Variants in DPF3 observed in about 807,000 individuals in gnomAD.
DPF3 encodes zinc finger protein DPF3.
DPF3 carries 18 observed loss-of-function variants against 56.8 expected under a neutral mutation model. That is an observed-to-expected ratio of 0.32 (90% CI 0.22 to 0.47). The LOEUF is 0.47. Ranked by LOEUF, DPF3 falls within the 20% of genes least tolerant of loss-of-function variation. The probability of loss-of-function intolerance (pLI) is 1.00; values close to 1 mark genes in which losing one functional copy is unlikely to be tolerated. For synonymous variants in DPF3, 188 were observed against 180.2 expected, an observed-to-expected ratio of 1.04 and a Z score of -0.35; for missense variants, 403 against 488.8, an observed-to-expected ratio of 0.82 and a Z score of 1.65.
chr14:72,729,744 C>T (rs544909209), intron 4 of DPF3, among the ~76,000 whole-genome samples: 16 of 152,268 alleles, frequency 1.1e-4, no homozygotes, highest in East Asian at 1.9e-4. Flanking sequence ...GACGGGGAAA[C>T]GGCCAGTGGT....
At chr14:72,819,303 A>C (rs1883426570) in intron 1 of DPF3, among the ~76,000 whole-genome samples, 1 of 152,250 alleles carries the variant, frequency 6.6e-6, no homozygotes. Flanking sequence ...CTTATTCTAA[A>C]AACATGCATT....
chr14:72,892,717 C>G, intron 1 of DPF3: 2 of 1,005,382 alleles, frequency 2.0e-6, no homozygotes, highest in Non-Finnish European at 2.4e-6. Context: ...TGAACCGCCC[C>G]CCACCCGACC....
chr14:72,804,224 C>CACAT (rs59780412), intron 1 of DPF3, among the ~76,000 whole-genome samples: 7 of 150,190 alleles, frequency 4.7e-5, no homozygotes, highest in African/African-American at 1.7e-4. Flanking sequence ...CACACACACA[C>CACAT]GCAGACAAAG....
At position 72,612,823 on chromosome 14, in the gene DPF3, T is replaced by C. The variant is rs1260761106; in HGVS notation, c.*6474A>G. Among the ~76,000 whole-genome samples, 1 of 152,188 alleles carries C rather than the reference T, an allele frequency of 6.6e-6. No individual in the cohort carries two copies. The highest frequency in any genetic ancestry group is 1.5e-5 in the Non-Finnish European group (1 of 68,030). On this transcript the variant is annotated 3_prime_UTR_variant, in exon 11 of 11. Coordinates refer to ENST00000556509, the MANE Select transcript of DPF3 (RefSeq NM_001280542.3). ...GGAGAGAGGTCGCGGAGCCAGTAGC[T>C]TTCCAAGCACAAGGCTCCCTTTGCA...
chr14:72,728,986 G>T (rs1042121509), intron 4 of DPF3, among the ~76,000 whole-genome samples: 1 of 152,120 alleles, frequency 6.6e-6, no homozygotes, highest in African/African-American at 2.4e-5. Flanking sequence ...CGTGGCTCAT[G>T]CCTGTAATCC....
intron 1 of DPF3, among the ~76,000 whole-genome samples, chr14:72,794,426 T>C (rs1425951380): frequency 6.6e-6 from 1 of 152,186 alleles, no homozygotes; most frequent in Non-Finnish European, 1.5e-5. Flanking sequence ...ATGCCATTGC[T>C]ACAGATTGCC....
intron 8 of DPF3, among the ~76,000 whole-genome samples, chr14:72,629,943 C>G (rs1175849117): frequency 6.6e-6 from 1 of 152,138 alleles, no homozygotes; most frequent in Non-Finnish European, 1.5e-5. Context: ...GATATAAGCA[C>G]ATCCAATTCT....
At chr14:72,673,592 T>C (rs970775537) in intron 8 of DPF3, among the ~76,000 whole-genome samples, 2 of 152,256 alleles carry the variant, frequency 1.3e-5, no homozygotes, top group East Asian at 3.8e-4. Flanking sequence ...TCTCTTTCTG[T>C]TATTTTAGTC....
intron 1 of DPF3, among the ~76,000 whole-genome samples, chr14:72,790,504 T>C (rs1177785727): frequency 6.6e-6 from 1 of 152,198 alleles, no homozygotes; most frequent in African/African-American, 2.4e-5. Context: ...GTTCTTTATT[T>C]ATTAGACTTT....
intron 1 of DPF3, among the ~76,000 whole-genome samples, chr14:72,848,398 C>T (rs1315319911): frequency 6.6e-6 from 1 of 152,186 alleles, no homozygotes; most frequent in Non-Finnish European, 1.5e-5. Context: ...TTCCTGGCTT[C>T]ATGTGATCCG....
Position 72,694,843 on chromosome 14 carries a change from G to T in DPF3, c.605-1630C>A, listed in dbSNP as rs956503511. Among the ~76,000 whole-genome samples the T allele has an allele frequency of 3.9e-5, 6 of 152,180 alleles. No homozygotes were observed. In the East Asian group the frequency reaches 1.2e-3, roughly 29 times the overall value. The stretch of plus-strand genomic sequence containing the variant: ...TTCCTGCTATAGAGTTTTATTATAG[G>T]AGAATTTTATCAACTACCCTTTCAG... On this transcript the variant is annotated intron_variant, in intron 6 of 10. Transcript: ENST00000556509.
Position 72,870,832 on chromosome 14 carries a change from T to C in DPF3, c.32+23225A>G, listed in dbSNP as rs1885870432. Among the ~76,000 whole-genome samples, 3 of 152,272 alleles carry C rather than the reference T, an allele frequency of 2.0e-5. 1 individual carries two copies. The highest frequency in any genetic ancestry group is 1.3e-4 in the Admixed American group (2 of 15,284). ...GCTCATGCCTATAATCCCAGCACTT[T>C]GGGAGGCTGAGGCAGGTGGATGGCT... On this transcript the variant is annotated intron_variant, in intron 1 of 10. Coordinates refer to ENST00000556509, the MANE Select transcript of DPF3 (RefSeq NM_001280542.3).
At chr14:72,713,484 C>T (rs1888744269) in intron 6 of DPF3, among the ~76,000 whole-genome samples, 1 of 152,186 alleles carries the variant, frequency 6.6e-6, no homozygotes, top group African/African-American at 2.4e-5. Context: ...GGGTGGGACA[C>T]CCAGAGGGAG....
In DPF3 at chr14:72,640,046, T is replaced by TAAAAAAAAAAAAAAAAAAAAAAAAAAAA. The variant is rs370070354; in HGVS notation, c.872-10338_872-10311dup. Among the ~76,000 whole-genome samples, 12 of 45,262 alleles carry TAAAAAAAAAAAAAAAAAAAAAAAAAAAA rather than the reference T, an allele frequency of 2.7e-4. 1 individual carries two copies. The highest frequency in any genetic ancestry group is 1.1e-3 in the Admixed American group (3 of 2,808). The allele number at this position is 45,262 out of a possible 152,430, so 29.7% of individuals were successfully genotyped here. A position where few individuals can be genotyped will look rare whatever the true frequency, so the allele number is the denominator to read the frequency against. ...AAAGGATAAATAGGAGTTTTCTAAG[T>TAAAAAAAAAAAAAAAAAAAAAAAAAAAA]AAAAAAAAAAAAAAAAAAAAAAAAA... On this transcript the variant is annotated intron_variant, in intron 8 of 10. Transcript: ENST00000556509.
At chr14:72,890,073 C>T (rs1233791805) in intron 1 of DPF3, among the ~76,000 whole-genome samples, 1 of 152,142 alleles carries the variant, frequency 6.6e-6, no homozygotes, top group African/African-American at 2.4e-5. Context: ...GGCAGACATT[C>T]TCAGTTAAAT....
At chr14:72,670,375 C>A in intron 8 of DPF3, 1 of 986,040 alleles carries the variant, frequency 1.0e-6, no homozygotes, top group Non-Finnish European at 1.2e-6. Context: ...GGAGGAGGAG[C>A]CCAGGAGGCG....
intron 1 of DPF3, among the ~76,000 whole-genome samples, chr14:72,819,870 A>T (rs988529852): frequency 2.6e-5 from 4 of 152,158 alleles, no homozygotes; most frequent in Admixed American, 2.6e-4. Flanking sequence ...CCCAGGAGGC[A>T]AAGGTTGCAG....
chr14:72,884,971 T>TATATGTATATATA (rs10523148), intron 1 of DPF3, among the ~76,000 whole-genome samples: 1 of 111,682 alleles, frequency 9.0e-6, no homozygotes, highest in Admixed American at 9.8e-5. Flanking sequence ...TATATATATA[T>TATATGTATATATA]TAGCCGGGCG....
intron 2 of DPF3, among the ~76,000 whole-genome samples, chr14:72,761,625 C>T (rs965296329): frequency 3.3e-5 from 5 of 151,840 alleles, no homozygotes; most frequent in South Asian, 4.2e-4. Context: ...AAATCAATGA[C>T]CTGTTTACAC....
Sources: allele counts gnomAD v4.1 joint callset (sites outside exome capture counted in the v4.1 genomes callset), GRCh38; gene constraint gnomAD v4.1.1; transcripts MANE v1.5; gene names NCBI Gene and HGNC (gene_info 2026-07-23, HGNC 2026-07-21).